CACNB2: variants seen among roughly 807,000 people sequenced by gnomAD.
The protein encoded by CACNB2 is calcium voltage-gated channel auxiliary subunit beta 2.
A neutral mutation model predicts 73.3 loss-of-function variants in CACNB2; 42 were observed. That is an observed-to-expected ratio of 0.57 (90% CI 0.45 to 0.74). CACNB2 has a LOEUF of 0.74. Ranked by LOEUF, CACNB2 falls within the 30% of genes least tolerant of loss-of-function variation. The probability of loss-of-function intolerance (pLI) is 0.00; values close to 1 mark genes in which losing one functional copy is unlikely to be tolerated. For missense variants in CACNB2, 940 were observed against 853.0 expected (o/e 1.10, Z -1.27); for synonymous variants, 348 against 310.3 (o/e 1.12, Z -1.28).
chr10:18,517,654 A>G (rs1402458646), intron 7 of CACNB2, among the ~76,000 whole-genome samples: 1 of 152,202 alleles, frequency 6.6e-6, no homozygotes, highest in Non-Finnish European at 1.5e-5. Context: ...CTTACCTTTG[A>G]AGTACCAAGG....
chr10:18,323,276 A>G (rs1280506645), intron 2 of CACNB2, among the ~76,000 whole-genome samples: 1 of 151,428 alleles, frequency 6.6e-6, no homozygotes, highest in Non-Finnish European at 1.5e-5. Flanking sequence ...GTTTTTCTTT[A>G]TTATTTTTCC....
chr10:18,471,470 G>A lies in CACNB2; in HGVS notation c.334-26885G>A, dbSNP rs112037238. Among the ~76,000 whole-genome samples, 197 of 152,202 alleles carry A rather than the reference G, an allele frequency of 1.3e-3. 2 individuals are homozygous for A. Among genetic ancestry groups the A allele is most frequent in the Admixed American group, 3.3e-3 (51 of 15,276 alleles). On this transcript the variant is annotated intron_variant, in intron 3 of 13. Transcript: ENST00000324631. ...TTTATTTTTTATAACCTAAAAATTC[G>A]TCTTTGTCAGTATCATTTTCTGCAA...
chr10:18,152,595 A>G (rs1369708231), intron 2 of CACNB2, among the ~76,000 whole-genome samples: 2 of 151,306 alleles, frequency 1.3e-5, no homozygotes, highest in African/African-American at 2.4e-5. Flanking sequence ...AAAGTTACCC[A>G]TCGCCTTTTC....
At chr10:18,288,521 T>A (rs1196247757) in intron 2 of CACNB2, among the ~76,000 whole-genome samples, 3 of 152,206 alleles carry the variant, frequency 2.0e-5, no homozygotes, top group Admixed American at 2.0e-4. Context: ...AAATTTTAAC[T>A]GAAAATTATA....
intron 2 of CACNB2, among the ~76,000 whole-genome samples, chr10:18,258,559 C>T (rs2037382938): frequency 1.3e-5 from 2 of 152,006 alleles, no homozygotes; most frequent in South Asian, 4.1e-4. Context: ...AACCCCATCT[C>T]TACTAAAAAT....
intron 3 of CACNB2, among the ~76,000 whole-genome samples, chr10:18,497,446 G>A (rs969570581): frequency 6.6e-6 from 1 of 151,898 alleles, no homozygotes; most frequent in African/African-American, 2.4e-5. Flanking sequence ...TTGAGACAGG[G>A]ACTGACTTTG....
chr10:18,175,179 G>C (rs2033506633), intron 2 of CACNB2, among the ~76,000 whole-genome samples: 1 of 152,082 alleles, frequency 6.6e-6, no homozygotes, highest in African/African-American at 2.4e-5. Context: ...TAATTATGTT[G>C]GTTACTGTCA....
In CACNB2 at chr10:18,146,357, T is replaced by G. The variant is rs1480123462; in HGVS notation, c.121-4526T>G. ...TGGTGTCTCACTCGGTAGCCCAGGT[T>G]GGAGTGCAGTGGTGCAATCTTGGCT... On this transcript the variant is annotated intron_variant, in intron 1 of 13. Transcript: ENST00000324631. 3.4e-5 allele frequency among the ~76,000 whole-genome samples: 5 copies of G among 147,442 alleles called. No individual in the cohort carries two copies. The Admixed American group carries it at 3.4e-4, about 10-fold the overall frequency.
chr10:18,531,315 A>T lies in CACNB2; in HGVS notation c.1055-2761A>T, dbSNP rs1023149107. Among the ~76,000 whole-genome samples the T allele has an allele frequency of 5.3e-5, 8 of 152,106 alleles. No individual in the cohort carries two copies. The East Asian group carries it at 1.5e-3, about 29-fold the overall frequency. ...GTATTAAGACTAGTACTCACCAGTT[A>T]TTTTTTCCTGATTCTCTTCTTCCTC... is the stretch of plus-strand genomic sequence containing the variant. On this transcript the variant is annotated intron_variant, in intron 10 of 13. Coordinates refer to ENST00000324631, the MANE Select transcript of CACNB2 (RefSeq NM_201596.3).
chr10:18,244,855 G>A (rs1029202405), intron 2 of CACNB2, among the ~76,000 whole-genome samples: 7 of 152,230 alleles, frequency 4.6e-5, no homozygotes, highest in Non-Finnish European at 7.3e-5. Context: ...GATTAGCTGG[G>A]TGGGCACAGT....
intron 2 of CACNB2, among the ~76,000 whole-genome samples, chr10:18,177,496 T>G (rs1588627493): frequency 2.0e-5 from 3 of 146,404 alleles, no homozygotes; most frequent in Admixed American, 6.8e-5. Flanking sequence ...CTGGGTGTGG[T>G]GGCAGGCACC....
chr10:18,495,991 G>A (rs2049788371), intron 3 of CACNB2, among the ~76,000 whole-genome samples: 1 of 151,826 alleles, frequency 6.6e-6, no homozygotes, highest in Non-Finnish European at 1.5e-5. Context: ...TTCGAGACCA[G>A]CCTGGCCAAT....
intron 3 of CACNB2, among the ~76,000 whole-genome samples, chr10:18,402,391 G>A (rs371520453): frequency 1.6e-3 from 234 of 143,686 alleles, no homozygotes; most frequent in Non-Finnish European, 1.9e-3. Flanking sequence ...TCTCTGTTAA[G>A]AAAAAAAAAA....
intron 5 of CACNB2, among the ~76,000 whole-genome samples, chr10:18,506,158 A>G (rs1349743918): frequency 6.6e-6 from 1 of 152,230 alleles, no homozygotes; most frequent in East Asian, 1.9e-4. Context: ...TAAAATAAAA[A>G]GCAAAATAAA....
chr10:18,492,478 G>A (rs1049809092), intron 3 of CACNB2, among the ~76,000 whole-genome samples: 1 of 152,012 alleles, frequency 6.6e-6, no homozygotes, highest in African/African-American at 2.4e-5. Flanking sequence ...AAAGTTAGCC[G>A]GGTGTGGTGG....
chr10:18,487,461 A>G (rs2049124045), intron 3 of CACNB2, among the ~76,000 whole-genome samples: 1 of 152,152 alleles, frequency 6.6e-6, no homozygotes, highest in Non-Finnish European at 1.5e-5. Flanking sequence ...TAGCTCATAT[A>G]TCAGTAATAG....
chr10:18,455,372 C>G (rs1036553836), intron 3 of CACNB2, among the ~76,000 whole-genome samples: 1 of 152,146 alleles, frequency 6.6e-6, no homozygotes, highest in African/African-American at 2.4e-5. Flanking sequence ...GATAGAGTTA[C>G]TTGGAAGAAC....
At chr10:18,325,063 C>A (rs1297831891) in intron 2 of CACNB2, among the ~76,000 whole-genome samples, 1 of 152,230 alleles carries the variant, frequency 6.6e-6, no homozygotes, top group Non-Finnish European at 1.5e-5. Flanking sequence ...TAATTTGGAA[C>A]AAGGGACACC....
chr10:18,498,284 T>C (rs1266477608), intron 3 of CACNB2, 71 bp from the exon 4 acceptor site: 11 of 1,572,340 alleles, frequency 7.0e-6, no homozygotes, highest in Non-Finnish European at 9.6e-6. Flanking sequence ...TATGTCTTTG[T>C]GTTTGAGGGA....
Sources: gnomAD v4.1 joint callset for allele counts (sites outside exome capture counted in the v4.1 genomes callset) on GRCh38, gnomAD v4.1.1 for gene constraint, MANE v1.5 for transcripts, NCBI Gene and HGNC (gene_info 2026-07-23, HGNC 2026-07-21) for gene names.